Variants in GABRA3 observed in about 807,000 individuals in gnomAD.
GABRA3 encodes the protein gamma-aminobutyric acid receptor subunit alpha-3.
A neutral mutation model predicts 30.1 loss-of-function variants in GABRA3; 10 were observed. The ratio of observed to expected loss-of-function variants is 0.33; its 90% CI spans 0.20 to 0.56. The LOEUF (loss-of-function observed/expected upper bound fraction) is 0.56, where lower values mean the gene tolerates loss of function less well. GABRA3 is among the 20% of genes least tolerant of loss of function. The pLI is 0.89. For synonymous variants in GABRA3, 151 were observed against 146.8 expected, an observed-to-expected ratio of 1.03 and a Z score of -0.21; for missense variants, 233 against 392.0, an observed-to-expected ratio of 0.59 and a Z score of 3.42.
intron 5 of GABRA3, among the ~76,000 whole-genome samples, chrX:152,231,324 TAC>T (rs1452576613): frequency 9.1e-6 from 1 of 109,354 alleles, no homozygotes; most frequent in East Asian, 2.9e-4. Flanking sequence ...CGTGTGTGTG[TAC>T]ACGTGTGTGT....
At chrX:152,264,315 A>G (rs903319232) in intron 4 of GABRA3, among the ~76,000 whole-genome samples, 17 of 111,796 alleles carry the variant, frequency 1.5e-4, no homozygotes, top group African/African-American at 5.5e-4. Context: ...TATAAATAGA[A>G]ACAACAAAAA....
intron 5 of GABRA3, among the ~76,000 whole-genome samples, chrX:152,238,471 C>T (rs1403731541): frequency 9.3e-6 from 1 of 107,070 alleles, no homozygotes; most frequent in Non-Finnish European, 1.9e-5. Context: ...GGTTGTGTCT[C>T]TGCCCGGCTT....
At chrX:152,258,131 A>G (rs923937114) in intron 4 of GABRA3, among the ~76,000 whole-genome samples, 2 of 112,144 alleles carry the variant, frequency 1.8e-5, no homozygotes, top group African/African-American at 6.5e-5. Context: ...AGGACTTCAT[A>G]TAACATAATT....
intron 5 of GABRA3, among the ~76,000 whole-genome samples, chrX:152,249,252 C>G (rs148981850): frequency 0.054 from 6,020 of 111,002 alleles, 195 homozygotes; most frequent in Non-Finnish European, 0.089. Context: ...ACCTCCTGAA[C>G]TCCACACTTC....
At chrX:152,233,000 T>C (rs1268032155) in intron 5 of GABRA3, among the ~76,000 whole-genome samples, 1 of 111,230 alleles carries the variant, frequency 9.0e-6, no homozygotes, top group Admixed American at 9.7e-5. Flanking sequence ...TGTTTTTGCA[T>C]TTTAATAACA....
chrX:152,232,543 CGTAAG>C (rs1938102423), intron 5 of GABRA3, among the ~76,000 whole-genome samples: 1 of 109,429 alleles, frequency 9.1e-6, no homozygotes, highest in Non-Finnish European at 1.9e-5. Flanking sequence ...AGTTGTTTCA[CGTAAG>C]GTAACGACCT....
At chrX:152,398,406 C>T (rs760421602) in intron 1 of GABRA3, among the ~76,000 whole-genome samples, 20 of 110,800 alleles carry the variant, frequency 1.8e-4, no homozygotes, top group African/African-American at 6.6e-4. Context: ...AACTTCTAAC[C>T]TCACCATTTT....
chrX:152,340,219 C>G (rs1940294252), intron 3 of GABRA3, among the ~76,000 whole-genome samples: 1 of 111,977 alleles, frequency 8.9e-6, no homozygotes, highest in South Asian at 3.6e-4. Flanking sequence ...CACAGTTTAC[C>G]TACAGGTAAT....
chrX:152,194,565 A>G (rs1937361938), intron 8 of GABRA3, among the ~76,000 whole-genome samples: 1 of 111,061 alleles, frequency 9.0e-6, no homozygotes, highest in African/African-American at 3.3e-5. Flanking sequence ...CCTTATTGTT[A>G]TTATGTTTTT....
chrX:152,178,293 G>A (rs891914704), intron 9 of GABRA3, among the ~76,000 whole-genome samples: 3 of 110,233 alleles, frequency 2.7e-5, no homozygotes, highest in Admixed American at 9.8e-5. Flanking sequence ...TGTTTCAATC[G>A]AGACTATGAT....
intron 1 of GABRA3, chrX:152,393,580 G>A: frequency 3.4e-6 from 1 of 295,119 alleles, no homozygotes; most frequent in Non-Finnish European, 6.6e-6. Flanking sequence ...ATGCCCAGAT[G>A]GACAGGACAT....
intron 4 of GABRA3, among the ~76,000 whole-genome samples, chrX:152,275,228 T>A (rs866729019): frequency 1.8e-3 from 116 of 64,255 alleles, no homozygotes; most frequent in Non-Finnish European, 2.7e-3. Flanking sequence ...ATATATATAA[T>A]TTATATATAT....
chrX:152,261,114 G>A (rs1441534534), intron 4 of GABRA3, among the ~76,000 whole-genome samples: 1 of 103,977 alleles, frequency 9.6e-6, no homozygotes, highest in Non-Finnish European at 1.9e-5. Flanking sequence ...GATTTCATTA[G>A]AACTCTCTCA....
At chrX:152,264,755 C>A (rs1938792717) in intron 4 of GABRA3, among the ~76,000 whole-genome samples, 1 of 110,947 alleles carries the variant, frequency 9.0e-6, no homozygotes, top group Non-Finnish European at 1.9e-5. Flanking sequence ...AAGAAACACA[C>A]CTCACCTTTA....
intron 9 of GABRA3, among the ~76,000 whole-genome samples, chrX:152,187,552 C>G (rs1375282128): frequency 9.0e-6 from 1 of 111,716 alleles, no homozygotes; most frequent in Non-Finnish European, 1.9e-5. Context: ...CACAAACACA[C>G]ACAGAGACAT....
intron 2 of GABRA3, among the ~76,000 whole-genome samples, chrX:152,358,924 G>C (rs770996247): frequency 4.5e-5 from 5 of 111,710 alleles, no homozygotes; most frequent in African/African-American, 1.6e-4. Flanking sequence ...ACTTGATCAT[G>C]GTGGATTCAA....
intron 4 of GABRA3, among the ~76,000 whole-genome samples, chrX:152,264,884 T>C (rs1938796014): frequency 9.0e-6 from 1 of 111,145 alleles, no homozygotes; most frequent in South Asian, 3.7e-4. Context: ...AGAAAAAAAC[T>C]ATAAGAAGAT....
At chrX:152,450,691 G>A (rs1381452928) in intron 1 of GABRA3, among the ~76,000 whole-genome samples, 1 of 111,273 alleles carries the variant, frequency 9.0e-6, no homozygotes, top group South Asian at 3.9e-4. Flanking sequence ...CAGCTGCGGA[G>A]AAAGAGTTAA....
At chrX:152,170,502 G>T (rs1936989534) in intron 9 of GABRA3, among the ~76,000 whole-genome samples, 1 of 111,612 alleles carries the variant, frequency 9.0e-6, no homozygotes, top group African/African-American at 3.3e-5. Flanking sequence ...TTAATTTAGA[G>T]ATGATGTCTC....
Sources: allele counts gnomAD v4.1 joint callset (sites outside exome capture counted in the v4.1 genomes callset), GRCh38; gene constraint gnomAD v4.1.1; transcripts MANE v1.5; gene names NCBI Gene and HGNC (gene_info 2026-07-23, HGNC 2026-07-21).